SLC39A11: variants seen among roughly 807,000 people sequenced by gnomAD.
SLC39A11 encodes the protein solute carrier family 39 member 11.
SLC39A11 carries 33 observed loss-of-function variants against 36.1 expected under a neutral mutation model. The observed-to-expected ratio is 0.91, with a 90% CI of 0.69 to 1.22. The LOEUF (loss-of-function observed/expected upper bound fraction) is 1.22, where lower values mean the gene tolerates loss of function less well. Among genes scored for constraint, SLC39A11 ranks in the 50% most tolerant of loss-of-function variants. The pLI, the probability that SLC39A11 is intolerant of heterozygous loss-of-function variation, is 0.00. For missense variants in SLC39A11, 432 were observed against 430.3 expected (o/e 1.00, Z -0.03); for synonymous variants, 166 against 170.3 (o/e 0.97, Z 0.20).
chr17:72,974,301 C>T (rs1471573089), intron 4 of SLC39A11, among the ~76,000 whole-genome samples: 14 of 151,990 alleles, frequency 9.2e-5, no homozygotes, highest in South Asian at 8.3e-4. Context: ...GGTTTTGCCA[C>T]GTTGGCCAGG....
intron 4 of SLC39A11, among the ~76,000 whole-genome samples, chr17:72,954,207 G>A (rs756142984): frequency 5.9e-5 from 9 of 152,072 alleles, no homozygotes; most frequent in Non-Finnish European, 1.3e-4. Context: ...CACCATGCCC[G>A]GCTAATATTT....
intron 5 of SLC39A11, among the ~76,000 whole-genome samples, chr17:72,899,437 T>C (rs2082204572): frequency 6.6e-6 from 1 of 152,188 alleles, no homozygotes; most frequent in South Asian, 2.1e-4. Context: ...TGTTTCATCA[T>C]CATTTGAAGT....
chr17:72,943,752 A>G (rs1197452057), intron 5 of SLC39A11, among the ~76,000 whole-genome samples: 1 of 152,200 alleles, frequency 6.6e-6, no homozygotes, highest in Non-Finnish European at 1.5e-5. Context: ...GACCGATGAA[A>G]TTCACCAATA....
chr17:72,953,874 C>T (rs1432454376), intron 4 of SLC39A11, among the ~76,000 whole-genome samples: 1 of 152,210 alleles, frequency 6.6e-6, no homozygotes, highest in African/African-American at 2.4e-5. Context: ...TGATGATTGT[C>T]AGCGTCTGGG....
At chr17:72,791,432 A>G (rs1410478977) in intron 6 of SLC39A11, among the ~76,000 whole-genome samples, 1 of 152,238 alleles carries the variant, frequency 6.6e-6, no homozygotes, top group Non-Finnish European at 1.5e-5. Flanking sequence ...AGACTGGGTG[A>G]CAGAAAGAAA....
At chr17:72,989,843 C>T (rs756940124) in intron 4 of SLC39A11, among the ~76,000 whole-genome samples, 7 of 152,168 alleles carry the variant, frequency 4.6e-5, no homozygotes, top group South Asian at 2.1e-4. Flanking sequence ...ACAGAAATTA[C>T]GAAACTTATT....
intron 5 of SLC39A11, among the ~76,000 whole-genome samples, chr17:72,866,627 A>G (rs1191641306): frequency 1.3e-5 from 2 of 152,200 alleles, no homozygotes; most frequent in African/African-American, 4.8e-5. Context: ...AAATGAAAAA[A>G]AATGTATACA....
chr17:72,770,766 C>T (rs1167053701), intron 6 of SLC39A11, among the ~76,000 whole-genome samples: 2 of 152,222 alleles, frequency 1.3e-5, no homozygotes, highest in Non-Finnish European at 2.9e-5. Flanking sequence ...AGAACCAGCA[C>T]TATGCATTCG....
chr17:72,770,213 G>A (rs538122588), intron 6 of SLC39A11, among the ~76,000 whole-genome samples: 2 of 152,218 alleles, frequency 1.3e-5, no homozygotes, highest in African/African-American at 4.8e-5. Context: ...AAATGAGCCA[G>A]ACACAAAAGA....
rs201428795 is a variant in SLC39A11, at chr17:72,900,153, AAAAGAAAGAAAGAAAGAAAGAAAGAAAG to A, written c.430+47571_430+47598del. Among the ~76,000 whole-genome samples, 13 of 61,328 alleles carry A rather than the reference AAAAGAAAGAAAGAAAGAAAGAAAGAAAG, an allele frequency of 2.1e-4. 1 individual carries two copies. The highest frequency in any genetic ancestry group is 1.2e-3 in the East Asian group (3 of 2,472). The allele number at this position is 61,328 out of a possible 152,430, so 40.2% of individuals were successfully genotyped here. A position where few individuals can be genotyped will look rare whatever the true frequency, so the allele number is the denominator to read the frequency against. ...AAGAAAGAAAGAAAAAGAAAGAAAG[AAAAGAAAGAAAGAAAGAAAGAAAGAAAG>A]AAAGAAAGAAAGAAAGAAAGAAAGA... On this transcript the variant is annotated intron_variant, in intron 5 of 9. Coordinates refer to ENST00000255559, the MANE Select transcript of SLC39A11 (RefSeq NM_139177.4).
intron 7 of SLC39A11, among the ~76,000 whole-genome samples, chr17:72,672,276 T>C (rs951834667): frequency 3.3e-5 from 5 of 152,080 alleles, no homozygotes; most frequent in Admixed American, 1.3e-4. Context: ...CAGTGAAACC[T>C]TGACTCTACT....
chr17:72,756,686 A>T (rs1405257905), intron 6 of SLC39A11, among the ~76,000 whole-genome samples: 1 of 152,220 alleles, frequency 6.6e-6, no homozygotes, highest in East Asian at 1.9e-4. Context: ...AGATAGAAAG[A>T]ATTCTGGAGG....
chr17:72,771,698 G>A (rs2075952996), intron 6 of SLC39A11, among the ~76,000 whole-genome samples: 1 of 152,228 alleles, frequency 6.6e-6, no homozygotes, highest in Non-Finnish European at 1.5e-5. Flanking sequence ...CAGCCACGCT[G>A]AGGCCAACTG....
intron 3 of SLC39A11, among the ~76,000 whole-genome samples, chr17:73,070,265 A>AC (rs1207290486): frequency 7.2e-5 from 11 of 152,170 alleles, no homozygotes; most frequent in African/African-American, 2.7e-4. Context: ...AAGTATGACA[A>AC]ATGCCCCCAA....
rs16977509 is a variant in SLC39A11 at position 73,067,678 on chromosome 17, C to A, written c.147+17130G>T. Among the ~76,000 whole-genome samples the A allele has an allele frequency of 8.5e-4, 130 of 152,124 alleles. No homozygotes were observed. In the Middle Eastern group the frequency reaches 0.01, roughly 12 times the overall value. Reference sequence around the variant, plus strand: ...AATGACCATCTTTTATGATGACTGGCGTATTAATACAAATCACATTTTTTT... The same window carrying A: ...AATGACCATCTTTTATGATGACTGGAGTATTAATACAAATCACATTTTTTT... On this transcript the variant is annotated intron_variant, in intron 3 of 9. Transcript: ENST00000255559.
In SLC39A11 at chr17:72,731,540, T is replaced by G. The variant is rs1026005360; in HGVS notation, c.671+5110A>C. Among the ~76,000 whole-genome samples the G allele has an allele frequency of 0.013, 32 of 2,408 alleles. No individual in the cohort carries two copies. In the African/African-American group the frequency reaches 0.32, roughly 24 times the overall value. 1.6% of individuals were successfully genotyped at this position (2,408 alleles called of 152,430 possible). ...CTTTCATTTGTGCAACCTTATGCAG[T>G]TTTTTTTTTTAAATAAACCTTTCAT... On this transcript the variant is annotated intron_variant, in intron 7 of 9. Transcript: ENST00000255559.
chr17:72,853,702 G>C (rs573032713), intron 5 of SLC39A11, among the ~76,000 whole-genome samples: 78 of 152,218 alleles, frequency 5.1e-4, no homozygotes, highest in African/African-American at 1.9e-3. Context: ...AGTTAAATAA[G>C]CCACCATTTG....
intron 4 of SLC39A11, among the ~76,000 whole-genome samples, chr17:73,025,719 T>A (rs893132917): frequency 2.6e-5 from 4 of 152,302 alleles, no homozygotes; most frequent in South Asian, 2.1e-4. Context: ...GGGTTCCTAC[T>A]GCTATAAAGT....
At chr17:72,905,996 G>C (rs908014294) in intron 5 of SLC39A11, among the ~76,000 whole-genome samples, 2 of 152,104 alleles carry the variant, frequency 1.3e-5, no homozygotes, top group African/African-American at 2.4e-5. Flanking sequence ...CTCCTGATCC[G>C]CCTGCCTTGG....
Sources: allele counts gnomAD v4.1 joint callset (sites outside exome capture counted in the v4.1 genomes callset), GRCh38; gene constraint gnomAD v4.1.1; transcripts MANE v1.5; gene names NCBI Gene and HGNC (gene_info 2026-07-23, HGNC 2026-07-21).